SHROOM2: variants seen among roughly 807,000 people sequenced by gnomAD.
SHROOM2 encodes protein Shroom2.
SHROOM2 carries 33 observed loss-of-function variants against 75.9 expected under a neutral mutation model. The observed-to-expected ratio is 0.43, with a 90% CI of 0.33 to 0.58. The LOEUF is 0.58. SHROOM2 is among the 20% of genes least tolerant of loss of function. The pLI, the probability that SHROOM2 is intolerant of heterozygous loss-of-function variation, is 0.04. For synonymous variants in SHROOM2, 655 were observed against 663.6 expected, an observed-to-expected ratio of 0.99 and a Z score of 0.20; for missense variants, 1,434 against 1,461.2, an observed-to-expected ratio of 0.98 and a Z score of 0.30.
At chrX:9,913,038 C>G (rs1024160146) in intron 5 of SHROOM2, 4 of 112,530 alleles carry the variant, frequency 3.6e-5, no homozygotes, top group African/African-American at 1.3e-4. Flanking sequence ...TCTGATGGGA[C>G]TGCAGCCCTT....
rs1374493160 is a variant in SHROOM2 at position 9,947,884 on chromosome X, G to A, written c.*947G>A. On this transcript the variant is annotated 3_prime_UTR_variant, in exon 10 of 10. Transcript: ENST00000380913. ...GCATGAGGGCCACATTCCATGGACG[G>A]GAAGACCCCTTCCTCTTCAGAGGTC... is the stretch of plus-strand genomic sequence containing the variant. The A allele has an allele frequency of 8.9e-6, 1 of 112,190 alleles. No homozygotes were observed. Among genetic ancestry groups the A allele is most frequent in the Non-Finnish European group, 1.9e-5 (1 of 53,314 alleles). 9.2% of individuals were successfully genotyped at this position (112,190 alleles called of 1,213,427 possible).
At chrX:9,934,755 G>A (rs941184641) in intron 6 of SHROOM2, among the ~76,000 whole-genome samples, 4 of 111,707 alleles carry the variant, frequency 3.6e-5, no homozygotes, top group African/African-American at 9.8e-5. Flanking sequence ...ATGTGAACCC[G>A]TGGGAGATAG....
chrX:9,786,587 C>G lies in SHROOM2; in HGVS notation c.42C>G (p.Ala14=), dbSNP rs1285637932. ...AEPRARPERL[A]EAETRAADGG... ...CCCGCGCGCGGCCCGAGCGCCTGGC[C>G]GAGGCCGAGACGCGGGCGGCGGACG... The change falls in exon 1 of 10, where the codon GCC becomes GCG. Residue 14 remains alanine, a synonymous_variant. Coordinates refer to ENST00000380913, the MANE Select transcript of SHROOM2 (RefSeq NM_001649.4). 6 of 867,989 alleles carry G rather than the reference C, an allele frequency of 6.9e-6. No individual in the cohort carries two copies. The highest frequency in any genetic ancestry group is 5.9e-5 in the East Asian group (1 of 16,819). The allele number at this position is 867,989 out of a possible 1,213,427, so 71.5% of individuals were successfully genotyped here.
At chrX:9,830,909 GCCTGTT>G (rs1430269841) in intron 1 of SHROOM2, among the ~76,000 whole-genome samples, 2 of 112,054 alleles carry the variant, frequency 1.8e-5, no homozygotes, top group East Asian at 5.6e-4. Context: ...TAACTGTCCA[GCCTGTT>G]GGCAAAGGCC....
Position 9,949,340 on chromosome X carries a change from C to T in SHROOM2, c.*2403C>T, listed in dbSNP as rs1445096317. ...CCTGTGGCTTGTATCCTTCAGTCCA[C>T]CACAGCAAATGTGTGTAGATTTCAT... On this transcript the variant is annotated 3_prime_UTR_variant, in exon 10 of 10. Coordinates refer to ENST00000380913, the MANE Select transcript of SHROOM2 (RefSeq NM_001649.4). The T allele has an allele frequency of 3.0e-6, 1 of 328,973 alleles. No individual in the cohort carries two copies. The highest frequency in any genetic ancestry group is 2.7e-5 in the African/African-American group (1 of 37,483). 27.1% of individuals were successfully genotyped at this position (328,973 alleles called of 1,213,427 possible). A position where few individuals can be genotyped will look rare whatever the true frequency, so the allele number is the denominator to read the frequency against.
intron 6 of SHROOM2, among the ~76,000 whole-genome samples, chrX:9,933,184 G>GT (rs957539188): frequency 3.9e-4 from 42 of 108,674 alleles, no homozygotes; most frequent in African/African-American, 8.7e-4. Flanking sequence ...GTAGAGGTCT[G>GT]TTTTTTTTTG....
intron 5 of SHROOM2, among the ~76,000 whole-genome samples, chrX:9,930,730 CA>C (rs745322830): frequency 6.4e-5 from 7 of 109,432 alleles, no homozygotes; most frequent in Non-Finnish European, 1.3e-4. Context: ...TAGCTGTGTT[CA>C]AGTTTTGTTT....
intron 1 of SHROOM2, among the ~76,000 whole-genome samples, chrX:9,871,591 T>G (rs1284661302): frequency 8.9e-6 from 1 of 112,373 alleles, no homozygotes; most frequent in African/African-American, 3.2e-5. Flanking sequence ...TGAAACCAGT[T>G]GGTGACTGAA....
chrX:9,890,625 G>A (rs2084284901), intron 2 of SHROOM2, among the ~76,000 whole-genome samples: 1 of 112,424 alleles, frequency 8.9e-6, no homozygotes, highest in Non-Finnish European at 1.9e-5. Flanking sequence ...GAGCGCGCAC[G>A]CGCTGCTTGC....
intron 8 of SHROOM2, among the ~76,000 whole-genome samples, chrX:9,939,796 CT>C (rs1033382406): frequency 1.5e-4 from 17 of 110,899 alleles, no homozygotes; most frequent in African/African-American, 5.6e-4. Context: ...AAAGTGGTAA[CT>C]TTTTTTTGAG....
chrX:9,860,379 A>G (rs770551707), intron 1 of SHROOM2, among the ~76,000 whole-genome samples: 17 of 111,961 alleles, frequency 1.5e-4, no homozygotes, highest in Non-Finnish European at 3.0e-4. Flanking sequence ...TCTTGTGGTT[A>G]ACATACATGC....
intron 1 of SHROOM2, among the ~76,000 whole-genome samples, chrX:9,833,058 T>A (rs1379049063): frequency 1.8e-5 from 2 of 110,631 alleles, no homozygotes; most frequent in Admixed American, 9.6e-5. Context: ...TTAACAAATG[T>A]CTTCTCGCGT....
chrX:9,808,532 G>C (rs773292755), intron 1 of SHROOM2, among the ~76,000 whole-genome samples: 64 of 110,527 alleles, frequency 5.8e-4, no homozygotes, highest in Non-Finnish European at 1.1e-3. Context: ...CTAGGTGACA[G>C]AGTGAGACCC....
intron 1 of SHROOM2, among the ~76,000 whole-genome samples, chrX:9,855,866 G>C (rs1045557370): frequency 1.8e-5 from 2 of 111,022 alleles, no homozygotes; most frequent in African/African-American, 6.6e-5. Context: ...AAGCAGAGGT[G>C]GGCAGATTCC....
intron 5 of SHROOM2, among the ~76,000 whole-genome samples, chrX:9,920,564 G>A (rs1043090244): frequency 8.9e-6 from 1 of 112,443 alleles, no homozygotes; most frequent in Non-Finnish European, 1.9e-5. Flanking sequence ...TGAGGTAAAT[G>A]AAAATGTCTG....
intron 3 of SHROOM2, among the ~76,000 whole-genome samples, chrX:9,893,539 A>G (rs985319658): frequency 1.8e-5 from 2 of 112,216 alleles, no homozygotes; most frequent in East Asian, 5.6e-4. Context: ...CTACGCAGAC[A>G]CATGGGCACA....
At chrX:9,805,234 G>T (rs185575010) in intron 1 of SHROOM2, among the ~76,000 whole-genome samples, 1,218 of 111,358 alleles carry the variant, frequency 0.011, 7 homozygotes, top group Non-Finnish European at 0.018. Context: ...GACAGAGCGA[G>T]ACTGTCTCAA....
chrX:9,900,075 G>A (rs1331966016), intron 5 of SHROOM2, among the ~76,000 whole-genome samples: 1 of 111,244 alleles, frequency 9.0e-6, no homozygotes, highest in African/African-American at 3.3e-5. Context: ...GAGAGGAAGC[G>A]GGGCCCCCTG....
chrX:9,933,484 C>T (rs1482604291), intron 6 of SHROOM2, among the ~76,000 whole-genome samples: 1 of 111,994 alleles, frequency 8.9e-6, no homozygotes, highest in African/African-American at 3.2e-5. Flanking sequence ...CTTTCAAGAG[C>T]ACTAGGCCCA....
Sources: allele counts gnomAD v4.1 joint callset (sites outside exome capture counted in the v4.1 genomes callset), GRCh38; gene constraint gnomAD v4.1.1; transcripts MANE v1.5; gene names NCBI Gene and HGNC (gene_info 2026-07-23, HGNC 2026-07-21).